LRRC4C: variants seen among roughly 807,000 people sequenced by gnomAD.
The protein encoded by LRRC4C is leucine rich repeat containing 4C.
LRRC4C carries 5 observed loss-of-function variants against 33.6 expected under a neutral mutation model. That is an observed-to-expected ratio of 0.15 (90% CI 0.08 to 0.31). The LOEUF (loss-of-function observed/expected upper bound fraction) is 0.31. Ranked by LOEUF, LRRC4C falls within the 10% of genes least tolerant of loss-of-function variation. The pLI is 1.00. For synonymous variants in LRRC4C, 329 were observed against 302.0 expected, an observed-to-expected ratio of 1.09 and a Z score of -0.93; for missense variants, 560 against 796.7, an observed-to-expected ratio of 0.70 and a Z score of 3.58.
chr11:40,570,256 C>T (rs1278336541), intron 3 of LRRC4C, among the ~76,000 whole-genome samples: 1 of 151,978 alleles, frequency 6.6e-6, no homozygotes, highest in African/African-American at 2.4e-5. Flanking sequence ...TTTACACACA[C>T]CACTTTTATA....
At chr11:40,775,871 T>C (rs1019911594) in intron 2 of LRRC4C, among the ~76,000 whole-genome samples, 30 of 152,300 alleles carry the variant, frequency 2.0e-4, no homozygotes, top group African/African-American at 7.2e-4. Flanking sequence ...AAGGGGAATG[T>C]TTTCTGCTTT....
At chr11:41,167,733 A>G (rs1176201984) in intron 1 of LRRC4C, among the ~76,000 whole-genome samples, 3 of 152,166 alleles carry the variant, frequency 2.0e-5, no homozygotes, top group African/African-American at 7.2e-5. Context: ...TCCATCTCTC[A>G]TCTCAATGAC....
At chr11:40,575,483 A>G (rs1342114101) in intron 3 of LRRC4C, among the ~76,000 whole-genome samples, 2 of 152,090 alleles carry the variant, frequency 1.3e-5, no homozygotes, top group Non-Finnish European at 2.9e-5. Flanking sequence ...AAACTGGGAT[A>G]TGTCTATCAC....
At chr11:40,984,172 AAGGAAGGAAAGGAAGGAAGGAAGGT>A (rs1852750091) in intron 1 of LRRC4C, among the ~76,000 whole-genome samples, 1 of 150,958 alleles carries the variant, frequency 6.6e-6, no homozygotes, top group African/African-American at 2.4e-5. Context: ...AAAGAAAAGA[AAGGAAGGAAAGGAAGGAAGGAAGGT>A]AGGAAGGAAG....
chr11:41,218,763 ATTTTTTTTT>A (rs1184491274), intron 1 of LRRC4C, among the ~76,000 whole-genome samples: 1 of 108,898 alleles, frequency 9.2e-6, no homozygotes, highest in African/African-American at 3.6e-5. Flanking sequence ...TGCATATGTC[ATTTTTTTTT>A]TTTTTTTTTT....
chr11:41,034,393 T>C (rs1393567734), intron 1 of LRRC4C, among the ~76,000 whole-genome samples: 2 of 148,882 alleles, frequency 1.3e-5, no homozygotes, highest in South Asian at 2.1e-4. Context: ...TATTCTGTTA[T>C]AGGAATGGAA....
chr11:41,088,501 A>G (rs920685262), intron 1 of LRRC4C, among the ~76,000 whole-genome samples: 1 of 152,058 alleles, frequency 6.6e-6, no homozygotes, highest in African/African-American at 2.4e-5. Context: ...TATACAAACC[A>G]ATGTCCTTAA....
chr11:40,709,882 C>T lies in LRRC4C; in HGVS notation c.-406-61604G>A, dbSNP rs933443702. Among the ~76,000 whole-genome samples, 9 of 152,172 alleles carry T rather than the reference C, an allele frequency of 5.9e-5. No individual in the cohort carries two copies. In the South Asian group the frequency reaches 6.2e-4, roughly 11 times the overall value. On this transcript the variant is annotated intron_variant, in intron 2 of 6. Coordinates refer to ENST00000528697, the MANE Select transcript of LRRC4C (RefSeq NM_001258419.2). Reference sequence around the variant, plus strand: ...TCCCATATTTCTTGGAGGCTTTGTTCGTTTCTTTTTACTCTTTTTTCTCTA... The same window carrying T: ...TCCCATATTTCTTGGAGGCTTTGTTTGTTTCTTTTTACTCTTTTTTCTCTA...
chr11:40,665,336 A>ATATG (rs1943721734), intron 2 of LRRC4C, among the ~76,000 whole-genome samples: 1 of 14,686 alleles, frequency 6.8e-5, no homozygotes, highest in Non-Finnish European at 1.7e-4. Context: ...ATATATATAT[A>ATATG]TATATATATA....
chr11:40,899,482 T>C (rs1304348229), intron 2 of LRRC4C, among the ~76,000 whole-genome samples: 2 of 152,156 alleles, frequency 1.3e-5, no homozygotes, highest in African/African-American at 4.8e-5. Context: ...TCATGTCTTG[T>C]TGAGTCATGA....
intron 3 of LRRC4C, among the ~76,000 whole-genome samples, chr11:40,458,563 C>A (rs948707673): frequency 6.6e-6 from 1 of 152,162 alleles, no homozygotes. Flanking sequence ...CTTTCTATAA[C>A]CTTATTCTCT....
intron 1 of LRRC4C, among the ~76,000 whole-genome samples, chr11:40,966,876 T>A (rs138149855): frequency 3.7e-4 from 57 of 152,120 alleles, no homozygotes; most frequent in African/African-American, 1.3e-3. Context: ...TGCTGATGAA[T>A]GTGAGTCATA....
chr11:40,905,007 C>T (rs1956358204), intron 2 of LRRC4C, among the ~76,000 whole-genome samples: 3 of 152,202 alleles, frequency 2.0e-5, no homozygotes, highest in South Asian at 4.1e-4. Flanking sequence ...CACGTGCACA[C>T]GCCCACCCCC....
intron 2 of LRRC4C, among the ~76,000 whole-genome samples, chr11:40,912,906 G>C (rs183416864): frequency 6.6e-6 from 1 of 152,006 alleles, no homozygotes; most frequent in South Asian, 2.1e-4. Flanking sequence ...CCTAGTCTCT[G>C]ATAAAACAGA....
At chr11:40,389,477 A>AACAC (rs1555042541) in intron 3 of LRRC4C, among the ~76,000 whole-genome samples, 2 of 151,180 alleles carry the variant, frequency 1.3e-5, no homozygotes, top group African/African-American at 4.9e-5. Context: ...CTCAAAAAAA[A>AACAC]AAATAATCAA....
At chr11:40,396,285 T>A (rs1238513753) in intron 3 of LRRC4C, among the ~76,000 whole-genome samples, 1 of 152,166 alleles carries the variant, frequency 6.6e-6, no homozygotes, top group Admixed American at 6.5e-5. Flanking sequence ...ACCTTGGTTT[T>A]AAAATATCTG....
At chr11:41,043,068 C>CTTTT (rs67605827) in intron 1 of LRRC4C, among the ~76,000 whole-genome samples, 111 of 75,776 alleles carry the variant, frequency 1.5e-3, no homozygotes, top group East Asian at 3.7e-3. Context: ...CAGAATAGAC[C>CTTTT]TTTTTTTTTT....
At position 41,450,628 on chromosome 11, in the gene LRRC4C, C is replaced by A. The variant is rs1409216428; in HGVS notation, c.-496+8803G>T. 1.3e-5 allele frequency among the ~76,000 whole-genome samples: 2 copies of A among 151,934 alleles called. 1 individual carries two copies. The highest frequency in any genetic ancestry group is 2.9e-5 in the Non-Finnish European group (2 of 67,982). ...ATCTGTATCCTGAGAATAATGATGC[C>A]CCCTGTATGCAACTATAAAGTTTTT... On this transcript the variant is annotated intron_variant, in intron 1 of 6. Coordinates refer to ENST00000528697, the MANE Select transcript of LRRC4C (RefSeq NM_001258419.2).
At chr11:41,350,285 C>T (rs142931416) in intron 1 of LRRC4C, among the ~76,000 whole-genome samples, 2,915 of 151,938 alleles carry the variant, frequency 0.019, 85 homozygotes, top group African/African-American at 0.065. Flanking sequence ...CCGAGGTGGG[C>T]GGATCATGAG....
Sources: allele counts gnomAD v4.1 joint callset (sites outside exome capture counted in the v4.1 genomes callset), GRCh38; gene constraint gnomAD v4.1.1; transcripts MANE v1.5; gene names NCBI Gene and HGNC (gene_info 2026-07-23, HGNC 2026-07-21).